The following ZBTB6 variants were observed in gnomAD, a reference collection of about 807,000 sequenced individuals.
ZBTB6 encodes the protein zinc finger and BTB domain-containing protein 6.
ZBTB6 carries 11 observed loss-of-function variants against 30.6 expected under a neutral mutation model. The observed-to-expected ratio is 0.36, with a 90% CI of 0.23 to 0.60. ZBTB6 has a LOEUF of 0.60. Ranked by LOEUF, ZBTB6 falls within the 20% of genes least tolerant of loss-of-function variation. The probability of loss-of-function intolerance (pLI) is 0.75; values close to 1 mark genes in which losing one functional copy is unlikely to be tolerated. For synonymous variants in ZBTB6, 174 were observed against 172.0 expected (o/e 1.01, Z -0.09); for missense variants, 380 against 489.4 (o/e 0.78, Z 2.11).
At position 122,909,115 on chromosome 9, in the gene ZBTB6, G is replaced by A. The variant is rs561434111; in HGVS notation, c.*1683C>T. The A allele has an allele frequency of 6.6e-6, 1 of 152,298 alleles. No homozygotes were observed. Among genetic ancestry groups the A allele is most frequent in the African/African-American group, 2.4e-5 (1 of 41,562 alleles). The allele number at this position is 152,298 out of a possible 1,614,324, so 9.4% of individuals were successfully genotyped here. A position where few individuals can be genotyped will look rare whatever the true frequency, so the allele number is the denominator to read the frequency against. On this transcript the variant is annotated 3_prime_UTR_variant, in exon 2 of 2. Coordinates refer to ENST00000373659, the MANE Select transcript of ZBTB6 (RefSeq NM_006626.6). ...AAGTCTCAAGGAAAGTTAAAATTCA[G>A]TGGAGAATGTCTTTCCCACAAAATT...
At position 122,908,912 on chromosome 9, in the gene ZBTB6, GAATT is replaced by G. The variant is rs1832927901; in HGVS notation, c.*1882_*1885del. ...CTTTCCCCTCTTCTGTTCTCAGGAA[GAATT>G]AAATACAAAATCATGGAATTTTAGA... On this transcript the variant is annotated 3_prime_UTR_variant, in exon 2 of 2. Coordinates refer to ENST00000373659, the MANE Select transcript of ZBTB6 (RefSeq NM_006626.6). 6.6e-6 allele frequency: 1 copy of G among 152,096 alleles called. No homozygotes were observed. Among genetic ancestry groups the G allele is most frequent in the Non-Finnish European group, 1.5e-5 (1 of 68,004 alleles). 9.4% of individuals were successfully genotyped at this position (152,096 alleles called of 1,614,324 possible). A position where few individuals can be genotyped will look rare whatever the true frequency, so the allele number is the denominator to read the frequency against.
At position 122,912,038 on chromosome 9, in the gene ZBTB6, A is replaced by C; in HGVS notation, c.35T>G (p.Phe12Cys). 6.2e-7 allele frequency: 1 copy of C among 1,613,716 alleles called. No individual in the cohort carries two copies. Residue 12 changes from phenylalanine (F) to cysteine (C), a missense_variant, in exon 2 of 2, where the codon TTT becomes TGT. Physicochemically the swap from Phe to Cys is radical, Grantham distance 205. Transcript: ENST00000373659. ...AAESDVLHFQFEQQGDVVLQK... is the reference protein window; with the variant it reads ...AAESDVLHFQCEQQGDVVLQK... ...CAAGACCACATCTCCTTGCTGTTCA[A>C]ACTGGAAATGCAGAACATCAGACTC... is the stretch of plus-strand genomic sequence containing the variant.
rs1375719488 is a variant in ZBTB6 at position 122,909,254 on chromosome 9, A to G, written c.*1544T>C. 6.6e-6 allele frequency: 1 copy of G among 152,258 alleles called. No individual in the cohort carries two copies. Among genetic ancestry groups the G allele is most frequent in the Non-Finnish European group, 1.5e-5 (1 of 68,036 alleles). The allele number at this position is 152,258 out of a possible 1,614,324, so 9.4% of individuals were successfully genotyped here. On this transcript the variant is annotated 3_prime_UTR_variant, in exon 2 of 2. Transcript: ENST00000373659. ...AAAATACAGAAGGGCTTCAATAGAA[A>G]TTAAATACAGTAGAAATTCTACATA...
chr9:122,911,158 C>G lies in ZBTB6; in HGVS notation c.915G>C (p.Arg305Ser). Residue 305 changes from arginine to serine, a missense_variant, in exon 2 of 2, where the codon AGG (arginine) becomes AGC (serine). Arg to Ser is a moderately radical substitution (Grantham distance 110). Coordinates refer to ENST00000373659, the MANE Select transcript of ZBTB6 (RefSeq NM_006626.6). The surrounding 1 kb of genome is among the most constrained non-coding windows in gnomAD (Gnocchi z 4.5). Reference protein sequence around the residue: ...EGYSLRHQCPRCPRGFLHVEN... With the variant: ...EGYSLRHQCPSCPRGFLHVEN... ...CAACATGAAGAAAGCCTCGAGGACACCTGGGGCACTGGTGCCTCAGTGAAT... is the reference window on the plus strand; with the variant it reads ...CAACATGAAGAAAGCCTCGAGGACAGCTGGGGCACTGGTGCCTCAGTGAAT... The G allele has an allele frequency of 6.2e-7, 1 of 1,614,172 alleles. No homozygotes were observed. Among genetic ancestry groups the G allele is most frequent in the South Asian group, 1.1e-5 (1 of 91,082 alleles).
rs969975703 is a variant in ZBTB6, at chr9:122,908,138, C to T, written c.*2660G>A. 6.6e-6 allele frequency: 1 copy of T among 152,182 alleles called. No individual in the cohort carries two copies. Among genetic ancestry groups the T allele is most frequent in the Non-Finnish European group, 1.5e-5 (1 of 68,014 alleles). The allele number at this position is 152,182 out of a possible 1,614,324, so 9.4% of individuals were successfully genotyped here. ...CAGGAAAAAGGGCAAGTGTTTTTCT[C>T]TGACAACGAAGTAACAACTACCTTT... On this transcript the variant is annotated 3_prime_UTR_variant, in exon 2 of 2. Transcript: ENST00000373659.
At position 122,911,999 on chromosome 9, in the gene ZBTB6, A is replaced by C. The variant is rs145210255; in HGVS notation, c.74T>G (p.Leu25Arg). ...ACAAAATAAATTCTGCTGTCTCAAA[A>C]GATTCATTTTCTGCAAGACCACATC... is the stretch of plus-strand genomic sequence containing the variant. ...QGDVVLQKMN[L>R]LRQQNLFCDV... The change falls in exon 2 of 2, where the codon CTT becomes CGT. Residue 25 changes from leucine to arginine, a missense_variant. Transcript: ENST00000373659. The surrounding 1 kb of genome is among the most constrained non-coding windows in gnomAD (Gnocchi z 4.5). 1.2e-6 allele frequency: 2 copies of C among 1,614,096 alleles called. No individual in the cohort carries two copies. Among genetic ancestry groups the C allele is most frequent in the African/African-American group, 2.7e-5 (2 of 74,944 alleles).
chr9:122,912,599 TGCC>T (rs1832964146), intron 1 of ZBTB6, among the ~76,000 whole-genome samples: 2 of 152,194 alleles, frequency 1.3e-5, no homozygotes, highest in East Asian at 3.9e-4. Flanking sequence ...CCCGCCTGAG[TGCC>T]ACCAGGATTA....
At position 122,911,193 on chromosome 9, in the gene ZBTB6, C is replaced by G; in HGVS notation, c.880G>C (p.Glu294Gln). 1 of 1,614,156 alleles carries G rather than the reference C, an allele frequency of 6.2e-7. No individual in the cohort carries two copies. The highest frequency in any genetic ancestry group is 8.5e-7 in the Non-Finnish European group (1 of 1,180,036). The change falls in exon 2 of 2, where the codon GAG becomes CAG. Residue 294 changes from glutamate to glutamine, a missense_variant. Transcript: ENST00000373659. The surrounding 1 kb of genome is among the most constrained non-coding windows in gnomAD (Gnocchi z 4.5). ...TGGTGCCTCAGTGAATAACCTTCCT[C>G]CAGATTCTGAATCTCACTCACTGTA... ...YGTVSEIQNL[E>Q]EGYSLRHQCP...
At position 122,911,046 on chromosome 9, in the gene ZBTB6, G is replaced by A. The variant is rs759560226; in HGVS notation, c.1027C>T (p.Arg343Ter). 28 of 1,614,154 alleles carry A rather than the reference G, an allele frequency of 1.7e-5. No homozygotes were observed. The highest frequency in any genetic ancestry group is 2.2e-5 in the East Asian group (1 of 44,890). The change falls in exon 2 of 2, where the codon CGA (arginine) becomes TGA (stop). Residue 343 changes from arginine (R) to a stop codon, truncating the protein, a stop_gained. Coordinates refer to ENST00000373659, the MANE Select transcript of ZBTB6 (RefSeq NM_006626.6). LOFTEE classifies it high-confidence loss of function. The surrounding 1 kb of genome is among the most constrained non-coding windows in gnomAD (Gnocchi z 4.5). Reference protein sequence around the residue: ...KTFTQKKNLNRHIRGHMGIRP... With the variant: ...KTFTQKKNLN ...ATGCCCATGTGTCCTCGGATGTGTC[G>A]GTTGAGATTTTTCTTCTGTGTAAAT...
chr9:122,912,141 G>A (rs1832959702), intron 1 of ZBTB6, 60 bp from the exon 2 acceptor site: 16 of 1,500,336 alleles, frequency 1.1e-5, no homozygotes, highest in African/African-American at 1.4e-5. Context: ...TTCCCATGCT[G>A]TAATGGTGAA....
Position 122,911,988 on chromosome 9 carries a change from G to C in ZBTB6, c.85C>G (p.Gln29Glu). ...ATTGATACATCACAAAATAAATTCT[G>C]CTGTCTCAAAAGATTCATTTTCTGC... ...VLQKMNLLRQQNLFCDVSIYI... is the reference protein window; with the variant it reads ...VLQKMNLLRQENLFCDVSIYI... The change falls in exon 2 of 2, where the codon CAG (glutamine) becomes GAG (glutamate). Residue 29 changes from glutamine (Q) to glutamate (E), a missense_variant. Physicochemically the swap from Gln to Glu is conservative, Grantham distance 29. Transcript: ENST00000373659. This position sits in a 1 kb window ranked among gnomAD's most constrained non-coding sequence, Gnocchi z 4.5. The C allele has an allele frequency of 6.2e-7, 1 of 1,614,148 alleles. No individual in the cohort carries two copies. Among genetic ancestry groups the C allele is most frequent in the Non-Finnish European group, 8.5e-7 (1 of 1,180,026 alleles).
In ZBTB6 at chr9:122,913,187, T is replaced by A; in HGVS notation, c.-10+64A>T. 1.1e-6 allele frequency: 1 copy of A among 921,950 alleles called. No individual in the cohort carries two copies. Among genetic ancestry groups the A allele is most frequent in the Non-Finnish European group, 1.3e-6 (1 of 771,316 alleles). The allele number at this position is 921,950 out of a possible 1,614,324, so 57.1% of individuals were successfully genotyped here. Reference sequence around the variant, plus strand: ...ACTCCGGGGCCGAGCCCAGCTGTCCTCCTCCTCCTCCTCCTCTTCCTCAGG... The same window carrying A: ...ACTCCGGGGCCGAGCCCAGCTGTCCACCTCCTCCTCCTCCTCTTCCTCAGG... On this transcript the variant is annotated intron_variant, in intron 1 of 1. Transcript: ENST00000373659.
rs13293471 is a variant in ZBTB6, at chr9:122,908,812, T to C, written c.*1986A>G. ...CACTTTCCAGTGGAAAAAGATCCAC[T>C]AATTAGAAAAATTATGTCTCCAATG... is the stretch of plus-strand genomic sequence containing the variant. On this transcript the variant is annotated 3_prime_UTR_variant, in exon 2 of 2. Transcript: ENST00000373659. The C allele has an allele frequency of 8.5e-5, 13 of 152,160 alleles. No individual in the cohort carries two copies. The highest frequency in any genetic ancestry group is 3.1e-4 in the African/African-American group (13 of 41,452). 9.4% of individuals were successfully genotyped at this position (152,160 alleles called of 1,614,324 possible).
intron 1 of ZBTB6, among the ~76,000 whole-genome samples, chr9:122,912,993 GC>G (rs991917342): frequency 5.9e-5 from 9 of 152,242 alleles, no homozygotes; most frequent in Non-Finnish European, 8.8e-5. Flanking sequence ...GGTGCCTGAT[GC>G]ATCTGTGTTC....
In ZBTB6 at chr9:122,908,893, C is replaced by CAAAA. The variant is rs1832927783; in HGVS notation, c.*1904_*1905insTTTT. 5 of 152,130 alleles carry CAAAA rather than the reference C, an allele frequency of 3.3e-5. No homozygotes were observed. Among genetic ancestry groups the CAAAA allele is most frequent in the African/African-American group, 1.2e-4 (5 of 41,422 alleles). 9.4% of individuals were successfully genotyped at this position (152,130 alleles called of 1,614,324 possible). ...ACAAAACCGTCCTCTCTTGCTTTCC[C>CAAAA]CTCTTCTGTTCTCAGGAAGAATTAA... is the stretch of plus-strand genomic sequence containing the variant. On this transcript the variant is annotated 3_prime_UTR_variant, in exon 2 of 2. Transcript: ENST00000373659.
chr9:122,910,688 A>G lies in ZBTB6; in HGVS notation c.*110T>C. ...GAATGATTATGTGTAAGCCGACAAA[A>G]TATAAGAAACAAAGATTGGGGGGAT... is the stretch of plus-strand genomic sequence containing the variant. On this transcript the variant is annotated 3_prime_UTR_variant, in exon 2 of 2. Transcript: ENST00000373659. 3 of 1,150,070 alleles carry G rather than the reference A, an allele frequency of 2.6e-6. No homozygotes were observed. The highest frequency in any genetic ancestry group is 3.6e-6 in the Non-Finnish European group (3 of 831,408). The allele number at this position is 1,150,070 out of a possible 1,614,324, so 71.2% of individuals were successfully genotyped here.
At position 122,911,775 on chromosome 9, in the gene ZBTB6, GCT is replaced by G; in HGVS notation, c.296_297del (p.Glu99AlafsTer31). 6.2e-7 allele frequency: 1 copy of G among 1,614,078 alleles called. No homozygotes were observed. Among genetic ancestry groups the G allele is most frequent in the Non-Finnish European group, 8.5e-7 (1 of 1,180,050 alleles). On this transcript the variant is annotated frameshift_variant, in exon 2 of 2. Coordinates refer to ENST00000373659, the MANE Select transcript of ZBTB6 (RefSeq NM_006626.6). LOFTEE classifies it high-confidence loss of function. This position sits in a 1 kb window ranked among gnomAD's most constrained non-coding sequence, Gnocchi z 4.5. ...YTGALEVKRK[E>X]LLKYLTAASY... Reference sequence around the variant, plus strand: ...CTGGCAGCAGTCAAGTATTTCAAAAGCTCTTTCCTTTTAACTTCAAGTGCTCC... The same window carrying G: ...CTGGCAGCAGTCAAGTATTTCAAAAGCTTTCCTTTTAACTTCAAGTGCTCC...
In ZBTB6 at chr9:122,911,568, C is replaced by T. The variant is rs368544617; in HGVS notation, c.505G>A (p.Asp169Asn). The T allele has an allele frequency of 5.0e-6, 8 of 1,613,724 alleles. No individual in the cohort carries two copies. The African/African-American group carries it at 1.1e-4, about 22-fold the overall frequency. The change falls in exon 2 of 2, where the codon GAT (aspartate) becomes AAT (asparagine). Residue 169 changes from aspartate (D) to asparagine (N), a missense_variant. Asp to Asn is a conservative substitution (Grantham distance 23). Coordinates refer to ENST00000373659, the MANE Select transcript of ZBTB6 (RefSeq NM_006626.6). The surrounding 1 kb of genome is among the most constrained non-coding windows in gnomAD (Gnocchi z 4.5). ...KDCEIIEISE[D>N]SPVNIDFHVK... ...TGGAAATCTATGTTTACAGGACTATCTTCTGAAATTTCAATTATCTCACAG... is the reference window on the plus strand; with the variant it reads ...TGGAAATCTATGTTTACAGGACTATTTTCTGAAATTTCAATTATCTCACAG...
chr9:122,911,008 C>A lies in ZBTB6; in HGVS notation c.1065G>T (p.Gln355His), dbSNP rs1276376515. 6.2e-6 allele frequency: 10 copies of A among 1,614,216 alleles called. No homozygotes were observed. The highest frequency in any genetic ancestry group is 8.5e-6 in the Non-Finnish European group (10 of 1,180,026). ...IRGHMGIRPF[Q>H]CTVCLKTFTA... ...TAAATGTCTTCAAGCACACAGTACACTGAAAGGGCCGTATGCCCATGTGTC... is the reference window on the plus strand; with the variant it reads ...TAAATGTCTTCAAGCACACAGTACAATGAAAGGGCCGTATGCCCATGTGTC... Residue 355 changes from glutamine (Q) to histidine (H), a missense_variant, in exon 2 of 2, where the codon CAG becomes CAT. Gln to His is a conservative substitution (Grantham distance 24). Coordinates refer to ENST00000373659, the MANE Select transcript of ZBTB6 (RefSeq NM_006626.6). The surrounding 1 kb of genome is among the most constrained non-coding windows in gnomAD (Gnocchi z 4.5).
Sources: gnomAD v4.1 joint callset for allele counts (sites outside exome capture counted in the v4.1 genomes callset) on GRCh38, gnomAD v4.1.1 for gene constraint, Gnocchi (gnomAD v3.1) non-coding constraint, MANE v1.5 for transcripts, NCBI Gene and HGNC (gene_info 2026-07-23, HGNC 2026-07-21) for gene names.